Variants in ZNF644 observed in about 807,000 individuals in gnomAD.
ZNF644 encodes the protein zinc finger protein 644, also known as zinc finger motif enhancer binding protein 2.
A neutral mutation model predicts 108.0 loss-of-function variants in ZNF644; 20 were observed. That is an observed-to-expected ratio of 0.19 (90% CI 0.13 to 0.27). The LOEUF (loss-of-function observed/expected upper bound fraction) is 0.27, where lower values mean the gene tolerates loss of function less well. ZNF644 is among the 10% of genes least tolerant of loss of function. The pLI, the probability that ZNF644 is intolerant of heterozygous loss-of-function variation, is 1.00. For missense variants in ZNF644, 1,338 were observed against 1,548.9 expected (o/e 0.86, Z 2.29); for synonymous variants, 542 against 539.1 (o/e 1.01, Z -0.08).
intron 1 of ZNF644, chr1:91,020,458 G>C (rs1230767603): frequency 6.6e-6 from 1 of 152,158 alleles, no homozygotes; most frequent in Non-Finnish European, 1.5e-5. Context: ...ACTTTAATTT[G>C]TTAGAAATTG....
At chr1:91,008,996 T>C (rs1378596986) in intron 1 of ZNF644, among the ~76,000 whole-genome samples, 1 of 152,134 alleles carries the variant, frequency 6.6e-6, no homozygotes, top group African/African-American at 2.4e-5. Context: ...CACAGCACTT[T>C]GGGAGGCCAA....
At chr1:90,918,652 A>G (rs1649075775) in intron 4 of ZNF644, among the ~76,000 whole-genome samples, 1 of 152,122 alleles carries the variant, frequency 6.6e-6, no homozygotes, top group Admixed American at 6.5e-5. Context: ...GGGAATATGG[A>G]TAATGTAATT....
rs894169901 is a variant in ZNF644, at chr1:90,916,505, T to A, written c.*293A>T. Reference sequence around the variant, plus strand: ...ATTGTCCAATAAGTCTGTCTATAAGTATCCATGTGCAACAGTTTATTAATG... The same window carrying A: ...ATTGTCCAATAAGTCTGTCTATAAGAATCCATGTGCAACAGTTTATTAATG... On this transcript the variant is annotated 3_prime_UTR_variant, in exon 6 of 6. Coordinates refer to ENST00000337393, the MANE Select transcript of ZNF644 (RefSeq NM_201269.3). 1.3e-5 allele frequency: 5 copies of A among 397,704 alleles called. No individual in the cohort carries two copies. Among genetic ancestry groups the A allele is most frequent in the African/African-American group, 4.1e-5 (2 of 49,142 alleles). The allele number at this position is 397,704 out of a possible 1,614,324, so 24.6% of individuals were successfully genotyped here. A position where few individuals can be genotyped will look rare whatever the true frequency, so the allele number is the denominator to read the frequency against.
rs750207131 is a variant in ZNF644, at chr1:90,937,787, C to T, written c.3386G>A (p.Arg1129His). 35 of 1,613,706 alleles carry T rather than the reference C, an allele frequency of 2.2e-5. No individual in the cohort carries two copies. The highest frequency in any genetic ancestry group is 5.3e-5 in the African/African-American group (4 of 74,922). The change falls in exon 4 of 6, where the codon CGT becomes CAT. Residue 1129 changes from arginine to histidine, a missense_variant. By Grantham distance (29) the Arg-to-His change is conservative (BLOSUM62 0). Transcript: ENST00000337393. The stretch of plus-strand genomic sequence containing the variant: ...CAGAGCTTCAGTCTTTAGGCCATTA[C>T]GGTATGCTTCAAGAGGTATAACATT... ...SQNVIPLEAY[R>H]NGLKTEALSV...
intron 4 of ZNF644, among the ~76,000 whole-genome samples, chr1:90,928,038 G>A (rs60437276): frequency 0.16 from 24,440 of 151,190 alleles, 2,188 homozygotes; most frequent in Middle Eastern, 0.28. Flanking sequence ...TAGAGACGGA[G>A]TTTCACCATG....
At chr1:91,021,835 G>C (rs1660964857) in intron 1 of ZNF644, 155 bp downstream of exon 1, 1 of 396,860 alleles carries the variant, frequency 2.5e-6, no homozygotes. Context: ...TGGATGGCTG[G>C]GACCCAGCCT....
intron 2 of ZNF644, among the ~76,000 whole-genome samples, chr1:90,977,957 T>C (rs748439866): frequency 1.3e-5 from 2 of 152,174 alleles, no homozygotes; most frequent in Admixed American, 1.3e-4. Flanking sequence ...GGGAGTATAG[T>C]GCTGGGTGGG....
At chr1:90,975,997 A>G (rs1655970843) in intron 2 of ZNF644, among the ~76,000 whole-genome samples, 1 of 152,226 alleles carries the variant, frequency 6.6e-6, no homozygotes, top group Admixed American at 6.5e-5. Context: ...AAATAGCACA[A>G]GGAAACAGTT....
chr1:90,937,854 C>T lies in ZNF644; in HGVS notation c.3319G>A (p.Val1107Ile). 1 of 1,613,834 alleles carries T rather than the reference C, an allele frequency of 6.2e-7. No individual in the cohort carries two copies. The highest frequency in any genetic ancestry group is 8.5e-7 in the Non-Finnish European group (1 of 1,179,864). Residue 1107 changes from valine (V) to isoleucine (I), a missense_variant, in exon 4 of 6, where the codon GTA (valine) becomes ATA (isoleucine). By Grantham distance (29) the Val-to-Ile change is conservative (BLOSUM62 3). Transcript: ENST00000337393. ...TCACTTGATGCAAGTTTTTGAGCTA[C>T]AAATGGTCTGGGAATAATACGACGA... is the stretch of plus-strand genomic sequence containing the variant. ...NSRRIIPRPF[V>I]AQKLASSDDF...
intron 2 of ZNF644, among the ~76,000 whole-genome samples, chr1:90,977,756 C>T (rs561562502): frequency 2.3e-4 from 35 of 152,208 alleles, no homozygotes; most frequent in African/African-American, 7.9e-4. Context: ...CACACACTCC[C>T]GTTAATACCA....
intron 1 of ZNF644, among the ~76,000 whole-genome samples, chr1:91,003,430 G>A (rs1462615065): frequency 6.6e-6 from 1 of 151,718 alleles, no homozygotes; most frequent in Non-Finnish European, 1.5e-5. Context: ...CTATTGCAAG[G>A]ACAAAAAACC....
At chr1:90,994,861 A>G (rs1657999036) in intron 1 of ZNF644, among the ~76,000 whole-genome samples, 1 of 152,186 alleles carries the variant, frequency 6.6e-6, no homozygotes, top group African/African-American at 2.4e-5. Flanking sequence ...CCAAGCCAAA[A>G]AAGCAGCAAT....
rs1042200495 is a variant in ZNF644 at position 91,017,414 on chromosome 1, C to G, written c.-18+4576G>C. Among the ~76,000 whole-genome samples the G allele has an allele frequency of 9.2e-5, 14 of 152,218 alleles. No homozygotes were observed. In the East Asian group the frequency reaches 2.7e-3, roughly 29 times the overall value. On this transcript the variant is annotated intron_variant, in intron 1 of 5. Coordinates refer to ENST00000337393, the MANE Select transcript of ZNF644 (RefSeq NM_201269.3). ...GAGGGGAAAGAAAATCTCCCAGAAA[C>G]GCTAATCTTAATCCAGTCTCACTTT...
chr1:91,002,722 T>C (rs1474726963), intron 1 of ZNF644, among the ~76,000 whole-genome samples: 2 of 152,090 alleles, frequency 1.3e-5, no homozygotes, highest in African/African-American at 4.8e-5. Context: ...CAAAAGAAAC[T>C]ACCATCAGAG....
chr1:90,984,308 T>C (rs1465641512), intron 1 of ZNF644, among the ~76,000 whole-genome samples: 5 of 152,208 alleles, frequency 3.3e-5, no homozygotes, highest in Admixed American at 2.0e-4. Context: ...ATTGGTCTGC[T>C]AGGACTGTCA....
In ZNF644 at chr1:90,974,860, C is replaced by T. The variant is rs1028527746; in HGVS notation, c.44+7450G>A. On this transcript the variant is annotated intron_variant, in intron 2 of 5. Coordinates refer to ENST00000337393, the MANE Select transcript of ZNF644 (RefSeq NM_201269.3). Reference sequence around the variant, plus strand: ...GTTTATAAAAACCTCAATAAAATAGCCCAGCCTTACTCTCTCGTCTAATCT... The same window carrying T: ...GTTTATAAAAACCTCAATAAAATAGTCCAGCCTTACTCTCTCGTCTAATCT... Among the ~76,000 whole-genome samples the T allele has an allele frequency of 2.0e-5, 3 of 152,196 alleles. 1 individual carries two copies. The highest frequency in any genetic ancestry group is 7.2e-5 in the African/African-American group (3 of 41,448).
chr1:90,948,861 G>C (rs1652797284), intron 2 of ZNF644, among the ~76,000 whole-genome samples: 1 of 152,098 alleles, frequency 6.6e-6, no homozygotes, highest in Non-Finnish European at 1.5e-5. Flanking sequence ...CAGTAATTAA[G>C]TTTTTCAAAT....
chr1:91,014,816 TAAC>T (rs1660292108), intron 1 of ZNF644, among the ~76,000 whole-genome samples: 1 of 152,170 alleles, frequency 6.6e-6, no homozygotes, highest in East Asian at 1.9e-4. Context: ...ACAAATTGTG[TAAC>T]AACTAGGTAA....
chr1:90,989,084 A>C (rs1458531362), intron 1 of ZNF644, among the ~76,000 whole-genome samples: 1 of 152,226 alleles, frequency 6.6e-6, no homozygotes, highest in Admixed American at 6.5e-5. Context: ...GTGAAAAGAC[A>C]ACCTACAGAC....
Sources: gnomAD v4.1 joint callset for allele counts (sites outside exome capture counted in the v4.1 genomes callset) on GRCh38, gnomAD v4.1.1 for gene constraint, MANE v1.5 for transcripts, NCBI Gene and HGNC (gene_info 2026-07-23, HGNC 2026-07-21) for gene names.